Variants in MGAT5 observed in about 807,000 individuals in gnomAD.
MGAT5 encodes the protein alpha-1,6-mannosylglycoprotein 6-beta-N-acetylglucosaminyltransferase A.
MGAT5 carries 30 observed loss-of-function variants against 94.3 expected under a neutral mutation model. The ratio of observed to expected loss-of-function variants is 0.32; its 90% CI spans 0.24 to 0.43. The LOEUF (loss-of-function observed/expected upper bound fraction) is 0.43. Among genes scored for constraint, MGAT5 ranks in the 20% least tolerant of loss-of-function variants. MGAT5 has a pLI of 1.00. For synonymous variants in MGAT5, 310 were observed against 322.9 expected, an observed-to-expected ratio of 0.96 and a Z score of 0.43; for missense variants, 691 against 905.5, an observed-to-expected ratio of 0.76 and a Z score of 3.04.
intron 4 of MGAT5, among the ~76,000 whole-genome samples, chr2:134,326,317 C>A (rs796113942): frequency 1.1e-4 from 16 of 152,066 alleles, no homozygotes; most frequent in African/African-American, 3.4e-4. Context: ...AACATTTGAA[C>A]AATCCATTGC....
At chr2:134,235,746 G>T (rs1423151622) in intron 1 of MGAT5, among the ~76,000 whole-genome samples, 1 of 146,470 alleles carries the variant, frequency 6.8e-6, no homozygotes, top group Non-Finnish European at 1.5e-5. Flanking sequence ...TTTTTGCATG[G>T]AGTGATTATA....
In MGAT5 at chr2:134,318,714, G is replaced by C. The variant is rs1172079994; in HGVS notation, c.548G>C (p.Cys183Ser). Residue 183 changes from cysteine to serine, a missense_variant, in exon 4 of 16, where the codon TGC becomes TCC. Physicochemically the swap from Cys to Ser is moderately radical, Grantham distance 112 (BLOSUM62 -1). Transcript: ENST00000281923. ...GACTATGGAGTGGATGGATCCACCT[G>C]CTCTTTTTTTATTTACCTCAGTGAG... ...YADYGVDGST[C>S]SFFIYLSEVE... 2.5e-6 allele frequency: 4 copies of C among 1,613,156 alleles called. No individual in the cohort carries two copies. The highest frequency in any genetic ancestry group is 3.4e-6 in the Non-Finnish European group (4 of 1,179,354).
intron 1 of MGAT5, among the ~76,000 whole-genome samples, chr2:134,202,525 T>C (rs1027748393): frequency 1.3e-5 from 2 of 152,250 alleles, no homozygotes; most frequent in Admixed American, 6.5e-5. Context: ...CTAAAGTGTT[T>C]CGTTTTACTA....
intron 10 of MGAT5, among the ~76,000 whole-genome samples, chr2:134,376,260 G>A (rs529707111): frequency 5.3e-5 from 8 of 152,096 alleles, no homozygotes; most frequent in Non-Finnish European, 1.2e-4. Flanking sequence ...CAATTCAAAC[G>A]CTCCCTTTTC....
At chr2:134,411,690 C>G (rs537684597) in intron 11 of MGAT5, among the ~76,000 whole-genome samples, 1 of 152,144 alleles carries the variant, frequency 6.6e-6, no homozygotes. Flanking sequence ...CCTTTCTAAA[C>G]GATCATTCAA....
intron 1 of MGAT5, among the ~76,000 whole-genome samples, chr2:134,158,312 C>A (rs1158948621): frequency 6.6e-6 from 1 of 152,240 alleles, no homozygotes; most frequent in Non-Finnish European, 1.5e-5. Flanking sequence ...AGGCCCATAC[C>A]GAGCCACCCT....
chr2:134,323,530 T>C (rs1416421863), intron 4 of MGAT5, among the ~76,000 whole-genome samples: 1 of 152,068 alleles, frequency 6.6e-6, no homozygotes, highest in Non-Finnish European at 1.5e-5. Flanking sequence ...CATAGATAGC[T>C]CAGAGAGGTC....
At chr2:134,262,969 T>A in intron 1 of MGAT5, among the ~76,000 whole-genome samples, 1 of 152,346 alleles carries the variant, frequency 6.6e-6, no homozygotes, top group Admixed American at 6.5e-5. Flanking sequence ...GTTCAAAAGA[T>A]ACAGTTTTCT....
intron 1 of MGAT5, among the ~76,000 whole-genome samples, chr2:134,242,647 C>A (rs1682032617): frequency 6.6e-6 from 1 of 152,184 alleles, no homozygotes; most frequent in African/African-American, 2.4e-5. Flanking sequence ...TGGGATTGGG[C>A]CTAAGATTCT....
intron 11 of MGAT5, among the ~76,000 whole-genome samples, chr2:134,404,785 A>T (rs954737009): frequency 6.6e-6 from 1 of 152,232 alleles, no homozygotes; most frequent in African/African-American, 2.4e-5. Context: ...TTCCAAGGTC[A>T]TCTGTAGTCT....
At chr2:134,252,316 TG>T (rs1682654743), upstream of MGAT5, among the ~76,000 whole-genome samples, 1 of 152,144 alleles carries the variant, frequency 6.6e-6, no homozygotes, top group Non-Finnish European at 1.5e-5. Flanking sequence ...TTTATGGTAA[TG>T]AGCAGACCAG....
chr2:134,141,845 A>G (rs1271986027), intron 1 of MGAT5, among the ~76,000 whole-genome samples: 3 of 152,228 alleles, frequency 2.0e-5, no homozygotes, highest in African/African-American at 7.2e-5. Context: ...GGGCGAGGTC[A>G]GGAAAAGCCT....
intron 12 of MGAT5, among the ~76,000 whole-genome samples, chr2:134,413,493 G>A (rs2106332323): frequency 6.6e-6 from 1 of 152,296 alleles, no homozygotes; most frequent in Admixed American, 6.5e-5. Context: ...ATCCCAAGAA[G>A]TAATCCTACC....
chr2:134,270,579 T>C (rs1443362857), intron 2 of MGAT5, 29 bp downstream of exon 2: 7 of 1,611,494 alleles, frequency 4.3e-6, no homozygotes, highest in Non-Finnish European at 5.1e-6. Context: ...TGCCCTGATA[T>C]GGAGTCACAC....
At chr2:134,296,435 G>C (rs528486536) in intron 2 of MGAT5, among the ~76,000 whole-genome samples, 1 of 152,048 alleles carries the variant, frequency 6.6e-6, no homozygotes, top group African/African-American at 2.4e-5. Context: ...AGTTTTTATT[G>C]ATGGAAGGTT....
intron 4 of MGAT5, among the ~76,000 whole-genome samples, chr2:134,334,495 C>A (rs1305268929): frequency 8.9e-4 from 7 of 7,900 alleles, no homozygotes; most frequent in African/African-American, 1.9e-3. Context: ...CCTTGCTCAT[C>A]CTTTTTTTTT....
At chr2:134,202,788 C>T (rs895497785) in intron 1 of MGAT5, among the ~76,000 whole-genome samples, 13 of 152,168 alleles carry the variant, frequency 8.5e-5, no homozygotes, top group East Asian at 1.9e-4. Context: ...CTATCTTTAC[C>T]GTGCAGAATG....
At chr2:134,192,193 T>C (rs922513715) in intron 1 of MGAT5, among the ~76,000 whole-genome samples, 2 of 150,520 alleles carry the variant, frequency 1.3e-5, no homozygotes, top group African/African-American at 4.9e-5. Context: ...GTTCACGCCT[T>C]TTTTCTTCTG....
intron 4 of MGAT5, among the ~76,000 whole-genome samples, chr2:134,327,094 T>A (rs190284112): frequency 6.6e-6 from 1 of 152,254 alleles, no homozygotes. Flanking sequence ...TGGCTATAGT[T>A]TTTTGTTTTG....
Sources: gnomAD v4.1 joint callset for allele counts (sites outside exome capture counted in the v4.1 genomes callset) on GRCh38, gnomAD v4.1.1 for gene constraint, MANE v1.5 for transcripts, NCBI Gene and HGNC (gene_info 2026-07-23, HGNC 2026-07-21) for gene names.